TBC1D32: variants seen among roughly 807,000 people sequenced by gnomAD.
TBC1D32 encodes TBC1 domain family member 32, also known as protein broad-minded.
TBC1D32 carries 151 observed loss-of-function variants against 170.3 expected under a neutral mutation model. The observed-to-expected ratio is 0.89, with a 90% CI of 0.78 to 1.01. The LOEUF is 1.01. TBC1D32 is among the 50% of genes least tolerant of loss of function. The pLI is 0.00. For synonymous variants in TBC1D32, 498 were observed against 488.0 expected (o/e 1.02, Z -0.27); for missense variants, 1,464 against 1,457.1 (o/e 1.00, Z -0.08).
chr6:121,292,944 G>A (rs755402773), intron 11 of TBC1D32, among the ~76,000 whole-genome samples: 1 of 152,114 alleles, frequency 6.6e-6, no homozygotes, highest in Non-Finnish European at 1.5e-5. Flanking sequence ...CATCTAGGAG[G>A]ATTCCAAAGC....
intron 9 of TBC1D32, among the ~76,000 whole-genome samples, chr6:121,299,839 T>TG (rs751386538): frequency 3.3e-5 from 5 of 151,684 alleles, no homozygotes; most frequent in Non-Finnish European, 7.4e-5. Flanking sequence ...AGATACATAG[T>TG]GGGGAAAAAA....
At chr6:121,292,886 A>C (rs1805079260) in intron 11 of TBC1D32, among the ~76,000 whole-genome samples, 1 of 152,074 alleles carries the variant, frequency 6.6e-6, no homozygotes, top group Admixed American at 6.6e-5. Flanking sequence ...AGGTTCGACG[A>C]GACTGACAAG....
chr6:121,255,978 A>G, intron 16 of TBC1D32, 106 bp downstream of exon 16: 1 of 969,716 alleles, frequency 1.0e-6, no homozygotes, highest in Non-Finnish European at 1.5e-6. Context: ...TAAAGAAGTC[A>G]TATTTGCCCC....
intron 15 of TBC1D32, among the ~76,000 whole-genome samples, chr6:121,268,542 CAAG>C (rs1800875733): frequency 1.3e-5 from 2 of 151,990 alleles, no homozygotes; most frequent in South Asian, 4.1e-4. Flanking sequence ...TGAAATTACG[CAAG>C]AAGAGAAGTT....
At chr6:121,100,656 C>T (rs12529782) in intron 30 of TBC1D32, among the ~76,000 whole-genome samples, 41,041 of 151,750 alleles carry the variant, frequency 0.27, 8,438 homozygotes, top group African/African-American at 0.57. Flanking sequence ...AATTGACACC[C>T]TAACATCACA....
rs142249169 is a variant in TBC1D32, at chr6:121,184,357, C to G, written c.2570+20718G>C. On this transcript the variant is annotated intron_variant, in intron 22 of 31. Transcript: ENST00000398212. Reference sequence around the variant, plus strand: ...TAAGTAATCCATAAAAATTGAGAGGCTTGCCATCTCAGTAAAGTTTCTGAG... The same window carrying G: ...TAAGTAATCCATAAAAATTGAGAGGGTTGCCATCTCAGTAAAGTTTCTGAG... 8.6e-5 allele frequency among the ~76,000 whole-genome samples: 13 copies of G among 151,978 alleles called. No homozygotes were observed. In the East Asian group the frequency reaches 2.5e-3, roughly 30 times the overall value.
intron 15 of TBC1D32, among the ~76,000 whole-genome samples, chr6:121,261,007 A>C (rs1340164498): frequency 6.6e-6 from 1 of 152,022 alleles, no homozygotes; most frequent in Admixed American, 6.6e-5. Flanking sequence ...GCAGCACACC[A>C]GCTGTGGCAG....
chr6:121,310,565 T>C (rs973704354), intron 4 of TBC1D32, among the ~76,000 whole-genome samples: 2 of 152,218 alleles, frequency 1.3e-5, no homozygotes, highest in African/African-American at 4.8e-5. Context: ...AAAAATTTCC[T>C]CTTCCAAACC....
chr6:121,104,399 G>A (rs73536482), intron 30 of TBC1D32, among the ~76,000 whole-genome samples: 40,984 of 151,422 alleles, frequency 0.27, 8,439 homozygotes, highest in African/African-American at 0.57. Flanking sequence ...TTCTTCTATA[G>A]CACTGATGTA....
chr6:121,115,288 T>A (rs771927502), intron 26 of TBC1D32, 47 bp from the exon 27 acceptor site: 1 of 1,351,790 alleles, frequency 7.4e-7, no homozygotes, highest in Middle Eastern at 2.0e-4. Flanking sequence ...AAAGTTTGCA[T>A]AATAATCACA....
At chr6:121,170,280 G>A (rs943156773) in intron 22 of TBC1D32, 3 of 989,272 alleles carry the variant, frequency 3.0e-6, no homozygotes, top group African/African-American at 3.3e-5. Flanking sequence ...TTTGTATTCT[G>A]TTATTTAAAT....
chr6:121,172,309 A>G (rs1324284308), intron 22 of TBC1D32, among the ~76,000 whole-genome samples: 1 of 152,152 alleles, frequency 6.6e-6, no homozygotes, highest in African/African-American at 2.4e-5. Flanking sequence ...TTAAGTCAAC[A>G]GGCTAAGGAG....
intron 15 of TBC1D32, among the ~76,000 whole-genome samples, chr6:121,259,487 A>C (rs570240416): frequency 6.6e-6 from 1 of 152,192 alleles, no homozygotes; most frequent in Non-Finnish European, 1.5e-5. Context: ...AACAGTTGTT[A>C]TTGATAAAGA....
chr6:121,152,565 G>A (rs970671483), intron 24 of TBC1D32, among the ~76,000 whole-genome samples: 4 of 152,062 alleles, frequency 2.6e-5, no homozygotes, highest in Admixed American at 6.6e-5. Flanking sequence ...GTTGGGGAAG[G>A]GTTCTCCTCG....
At chr6:121,232,650 A>G (rs564783920) in intron 20 of TBC1D32, among the ~76,000 whole-genome samples, 22 of 152,054 alleles carry the variant, frequency 1.4e-4, no homozygotes, top group African/African-American at 5.1e-4. Flanking sequence ...TTGGTTAGGT[A>G]TGTTCCTAAG....
At chr6:121,086,210 T>C (rs1209643067) in intron 31 of TBC1D32, among the ~76,000 whole-genome samples, 2 of 152,110 alleles carry the variant, frequency 1.3e-5, no homozygotes, top group Non-Finnish European at 2.9e-5. Context: ...ATCATCTCAT[T>C]TAATTCTTCA....
At chr6:121,311,914 T>C (rs1008517059) in intron 3 of TBC1D32, among the ~76,000 whole-genome samples, 5 of 152,138 alleles carry the variant, frequency 3.3e-5, no homozygotes, top group African/African-American at 9.7e-5. Flanking sequence ...CGTATGTTTA[T>C]TGTGGCACTG....
chr6:121,293,793 C>T (rs563632688), intron 11 of TBC1D32, among the ~76,000 whole-genome samples: 5 of 152,178 alleles, frequency 3.3e-5, no homozygotes, highest in Admixed American at 2.0e-4. Flanking sequence ...CACCTGTACT[C>T]CCAGCTACTT....
In TBC1D32 at chr6:121,133,215, ATG is replaced by A. The variant is rs376340541; in HGVS notation, c.2774-1465_2774-1464del. Among the ~76,000 whole-genome samples, 442 of 152,104 alleles carry A rather than the reference ATG, an allele frequency of 2.9e-3. 4 individuals carry two copies. Among genetic ancestry groups the A allele is most frequent in the African/African-American group, 0.01 (435 of 41,550 alleles). On this transcript the variant is annotated intron_variant, in intron 24 of 31. Transcript: ENST00000398212. Reference sequence around the variant, plus strand: ...ATACTTGAGAGGGTTTCAGCTAACAATGTCTTACTTTTTTCTTAAAGAAAATT... The same window carrying A: ...ATACTTGAGAGGGTTTCAGCTAACAATCTTACTTTTTTCTTAAAGAAAATT...
Sources: gnomAD v4.1 joint callset for allele counts (sites outside exome capture counted in the v4.1 genomes callset) on GRCh38, gnomAD v4.1.1 for gene constraint, MANE v1.5 for transcripts, NCBI Gene and HGNC (gene_info 2026-07-23, HGNC 2026-07-21) for gene names.